DZANK1: variants seen among roughly 807,000 people sequenced by gnomAD.
DZANK1 encodes double zinc ribbon and ankyrin repeat domains 1.
DZANK1 carries 91 observed loss-of-function variants against 94.5 expected under a neutral mutation model. The observed-to-expected ratio is 0.96, with a 90% CI of 0.81 to 1.15. The LOEUF (loss-of-function observed/expected upper bound fraction) is 1.15, where lower values mean the gene tolerates loss of function less well. Among genes scored for constraint, DZANK1 ranks in the 50% most tolerant of loss-of-function variants. DZANK1 has a pLI of 0.00. For synonymous variants in DZANK1, 312 were observed against 325.3 expected (o/e 0.96, Z 0.44); for missense variants, 903 against 916.4 (o/e 0.99, Z 0.19).
At chr20:18,417,600 T>C (rs964575087) in intron 10 of DZANK1, among the ~76,000 whole-genome samples, 2 of 152,196 alleles carry the variant, frequency 1.3e-5, no homozygotes, top group African/African-American at 4.8e-5. Context: ...TCAGCTTTGA[T>C]GTGGAAATAG....
At chr20:18,453,224 G>A (rs2059166724) in intron 5 of DZANK1, among the ~76,000 whole-genome samples, 1 of 152,158 alleles carries the variant, frequency 6.6e-6, no homozygotes, top group Non-Finnish European at 1.5e-5. Flanking sequence ...CTGACATAGA[G>A]AAGCAGCTTC....
intron 7 of DZANK1, among the ~76,000 whole-genome samples, chr20:18,445,713 C>T (rs181633930): frequency 1.2e-3 from 175 of 152,114 alleles, no homozygotes; most frequent in African/African-American, 3.9e-3. Flanking sequence ...CCAGCCTGGG[C>T]AACTTTGTGA....
chr20:18,439,494 A>G (rs878914720), intron 8 of DZANK1, among the ~76,000 whole-genome samples: 1 of 152,190 alleles, frequency 6.6e-6, no homozygotes, highest in African/African-American at 2.4e-5. Flanking sequence ...CTGCCCGTCT[A>G]TCATTCCTAG....
rs370776129 is a variant in DZANK1, at chr20:18,384,606, G to C, written c.2094-42C>G. On this transcript the variant is annotated intron_variant, in intron 20 of 20. Transcript: ENST00000262547. The stretch of plus-strand genomic sequence containing the variant: ...GAAACGGAGGTGCACTGAAGGACTT[G>C]AACATGTGACCCTAAGAGCTTGACT... 67 of 1,534,324 alleles carry C rather than the reference G, an allele frequency of 4.4e-5. No homozygotes were observed. In the African/African-American group the frequency reaches 8.9e-4, roughly 20 times the overall value.
chr20:18,413,093 C>T, intron 12 of DZANK1: 1 of 560,652 alleles, frequency 1.8e-6, no homozygotes, highest in South Asian at 2.4e-5. Flanking sequence ...GGGGTGTTTG[C>T]CGGCCTGCTT....
At chr20:18,439,293 T>C (rs935570343) in intron 8 of DZANK1, among the ~76,000 whole-genome samples, 1 of 152,170 alleles carries the variant, frequency 6.6e-6, no homozygotes, top group African/African-American at 2.4e-5. Flanking sequence ...TGATATGTAC[T>C]TGCAAAGCTC....
intron 5 of DZANK1, chr20:18,452,696 A>T (rs1569010352): frequency 6.2e-7 from 1 of 1,605,390 alleles, no homozygotes; most frequent in Admixed American, 1.7e-5. Context: ...AAAAGTGAAG[A>T]TCTTTCAAAG....
chr20:18,429,915 C>T (rs952745930), intron 9 of DZANK1, among the ~76,000 whole-genome samples: 2 of 152,192 alleles, frequency 1.3e-5, no homozygotes, highest in Admixed American at 6.5e-5. Flanking sequence ...GGAATTGAGG[C>T]TACCATCAGA....
chr20:18,445,996 C>A (rs1044893947), intron 7 of DZANK1, among the ~76,000 whole-genome samples: 2 of 150,912 alleles, frequency 1.3e-5, no homozygotes, highest in Non-Finnish European at 2.9e-5. Context: ...AACTCCTGGC[C>A]TCAAGTGATC....
At chr20:18,432,020 C>G (rs886917841) in intron 9 of DZANK1, among the ~76,000 whole-genome samples, 27 of 152,160 alleles carry the variant, frequency 1.8e-4, no homozygotes, top group Non-Finnish European at 2.8e-4. Context: ...AGAGGCCATT[C>G]CTGGATTTAA....
intron 15 of DZANK1, among the ~76,000 whole-genome samples, chr20:18,395,331 C>T (rs1222263406): frequency 6.6e-6 from 1 of 152,314 alleles, no homozygotes; most frequent in African/African-American, 2.4e-5. Context: ...TACTGCACTC[C>T]AGCCTGGTTG....
chr20:18,433,709 C>T (rs751053178), exon 9 of DZANK1: 2 of 1,614,046 alleles, frequency 1.2e-6, no homozygotes, highest in Non-Finnish European at 1.7e-6. Context: ...CCTCACACAC[C>T]ACACAGATGG....
chr20:18,419,194 G>A (rs551563510), intron 10 of DZANK1, among the ~76,000 whole-genome samples: 7 of 151,584 alleles, frequency 4.6e-5, no homozygotes, highest in Non-Finnish European at 8.8e-5. Flanking sequence ...CCTGGGAGGC[G>A]GAGGTTGCAG....
intron 13 of DZANK1, among the ~76,000 whole-genome samples, chr20:18,412,379 G>A (rs1026443809): frequency 6.6e-6 from 1 of 152,154 alleles, no homozygotes; most frequent in Non-Finnish European, 1.5e-5. Context: ...ATGCCGTCAC[G>A]ACAAAAGAAA....
In DZANK1 at chr20:18,413,185, G is replaced by A. The variant is rs1335721423; in HGVS notation, c.1243-350C>T. On this transcript the variant is annotated intron_variant, in intron 12 of 20. Transcript: ENST00000262547. Reference sequence around the variant, plus strand: ...CACTACTAATCCACACTCAGCCACTGGTCACCAACATTTTCTCTAACATAC... The same window carrying A: ...CACTACTAATCCACACTCAGCCACTAGTCACCAACATTTTCTCTAACATAC... 4 of 308,220 alleles carry A rather than the reference G, an allele frequency of 1.3e-5. No individual in the cohort carries two copies. The East Asian group carries it at 1.8e-4, about 14-fold the overall frequency. 19.1% of individuals were successfully genotyped at this position (308,220 alleles called of 1,614,324 possible). A position where few individuals can be genotyped will look rare whatever the true frequency, so the allele number is the denominator to read the frequency against.
At chr20:18,430,387 C>G (rs2058235719) in intron 9 of DZANK1, among the ~76,000 whole-genome samples, 1 of 152,326 alleles carries the variant, frequency 6.6e-6, no homozygotes, top group South Asian at 2.1e-4. Context: ...ATAAACATGA[C>G]TGAAGTCCTG....
chr20:18,412,963 T>C, intron 12 of DZANK1, 110 bp from the exon 13 acceptor site: 1 of 1,065,474 alleles, frequency 9.4e-7, no homozygotes, highest in African/African-American at 1.6e-5. Context: ...TCAAGAAAAG[T>C]GTACTTGGAA....
At position 18,423,404 on chromosome 20, in the gene DZANK1, A is replaced by G. The variant is rs180832406; in HGVS notation, c.954+3663T>C. On this transcript the variant is annotated intron_variant, in intron 10 of 20. Transcript: ENST00000262547. ...CTTCCTATAGTTGGAGCTTTCCAAT[A>G]CCCCGTTTTCATTATTTGCTAGAAA... 2.4e-3 allele frequency among the ~76,000 whole-genome samples: 362 copies of G among 152,310 alleles called. 5 individuals are homozygous for G. The highest frequency in any genetic ancestry group is 0.02 in the Admixed American group (304 of 15,288).
intron 8 of DZANK1, among the ~76,000 whole-genome samples, chr20:18,436,195 G>GATCT (rs1483348324): frequency 6.6e-6 from 1 of 152,158 alleles, no homozygotes; most frequent in Non-Finnish European, 1.5e-5. Context: ...TGATGACAAT[G>GATCT]ATCTGACTGG....
Sources: allele counts gnomAD v4.1 joint callset (sites outside exome capture counted in the v4.1 genomes callset), GRCh38; gene constraint gnomAD v4.1.1; transcripts MANE v1.5; gene names NCBI Gene and HGNC (gene_info 2026-07-23, HGNC 2026-07-21).